The following PDE4B variants were observed in gnomAD, a reference collection of about 807,000 sequenced individuals.
PDE4B encodes the protein 3',5'-cyclic-AMP phosphodiesterase 4B.
PDE4B carries 20 observed loss-of-function variants against 82.2 expected under a neutral mutation model. That is an observed-to-expected ratio of 0.24 (90% CI 0.17 to 0.35). The LOEUF is 0.35. PDE4B is among the 10% of genes least tolerant of loss of function. The pLI is 1.00. For missense variants in PDE4B, 655 were observed against 907.2 expected (o/e 0.72, Z 3.57); for synonymous variants, 320 against 318.9 (o/e 1.00, Z -0.04).
intron 3 of PDE4B, among the ~76,000 whole-genome samples, chr1:66,138,355 C>T (rs1051275073): frequency 7.2e-5 from 11 of 152,106 alleles, no homozygotes; most frequent in South Asian, 2.1e-4. Flanking sequence ...CCCGTCTCTA[C>T]TAAAAATACA....
intron 7 of PDE4B, among the ~76,000 whole-genome samples, chr1:66,324,426 A>G (rs1659608830): frequency 6.6e-6 from 1 of 152,142 alleles, no homozygotes; most frequent in African/African-American, 2.4e-5. Context: ...ATTTTCTCAC[A>G]TTCATAATGG....
chr1:66,219,148 A>G (rs1017106613), intron 3 of PDE4B, among the ~76,000 whole-genome samples: 2 of 152,144 alleles, frequency 1.3e-5, no homozygotes, highest in African/African-American at 2.4e-5. Flanking sequence ...AGGCTCAATA[A>G]AGATAAGTAA....
chr1:65,972,664 A>G (rs1650205090), intron 3 of PDE4B, among the ~76,000 whole-genome samples: 1 of 152,196 alleles, frequency 6.6e-6, no homozygotes, highest in African/African-American at 2.4e-5. Context: ...TAGACTAGAA[A>G]TGGAGGAAAA....
intron 3 of PDE4B, among the ~76,000 whole-genome samples, chr1:66,108,413 A>G (rs1301857250): frequency 2.0e-5 from 3 of 152,036 alleles, no homozygotes; most frequent in Non-Finnish European, 4.4e-5. Flanking sequence ...ATGATCCAAA[A>G]AGCACAGGAA....
Position 66,363,556 on chromosome 1 carries a change from T to A in PDE4B, c.1269T>A (p.Ser423=). 1 of 1,612,144 alleles carries A rather than the reference T, an allele frequency of 6.2e-7. No homozygotes were observed. The highest frequency in any genetic ancestry group is 8.5e-7 in the Non-Finnish European group (1 of 1,179,290). The change falls in exon 12 of 17, where the codon TCT becomes TCA. Residue 423 remains serine, a synonymous_variant. Coordinates refer to ENST00000341517, the MANE Select transcript of PDE4B (RefSeq NM_002600.4). The part of the protein sequence containing the change: ...DVAQSTHVLL[S]TPALDAVFTD... Reference sequence around the variant, plus strand: ...CCCAGTCGACCCATGTTCTCCTTTCTACACCAGCATTAGACGTGAGTAATT... The same window carrying A: ...CCCAGTCGACCCATGTTCTCCTTTCAACACCAGCATTAGACGTGAGTAATT...
rs200346037 is a variant in PDE4B, at chr1:66,039,711, TCA to T, written c.281+120877_281+120878del. On this transcript the variant is annotated intron_variant, in intron 3 of 16. Coordinates refer to ENST00000341517, the MANE Select transcript of PDE4B (RefSeq NM_002600.4). ...AGAAATGTCATACAGTCACTGAGCC[TCA>T]GTTTCTGCATCTGAAAATGGTAAAT... Among the ~76,000 whole-genome samples, 1,003 of 152,204 alleles carry T rather than the reference TCA, an allele frequency of 6.6e-3. 15 individuals carry two copies. The highest frequency in any genetic ancestry group is 0.022 in the African/African-American group (931 of 41,562).
rs148949071 is a variant in PDE4B, at chr1:66,159,696, G to T, written c.282-87764G>T. On this transcript the variant is annotated intron_variant, in intron 3 of 16. Coordinates refer to ENST00000341517, the MANE Select transcript of PDE4B (RefSeq NM_002600.4). ...GTGCCTCAAATCCTCGCATACTGGG[G>T]TAGTGTCTTTTATTCCTGTAGAAAT... 6.1e-4 allele frequency among the ~76,000 whole-genome samples: 93 copies of T among 152,256 alleles called. 1 individual carries two copies. In the East Asian group the frequency reaches 0.013, roughly 21 times the overall value.
chr1:65,856,768 A>G (rs969420077), intron 1 of PDE4B, among the ~76,000 whole-genome samples: 2 of 152,182 alleles, frequency 1.3e-5, no homozygotes, highest in Non-Finnish European at 2.9e-5. Flanking sequence ...TGTCTTCCGC[A>G]TGGTTGAACT....
chr1:66,326,249 C>G (rs555025838), intron 7 of PDE4B, among the ~76,000 whole-genome samples: 13 of 152,284 alleles, frequency 8.5e-5, no homozygotes, highest in African/African-American at 2.9e-4. Context: ...ACCAGAAAGA[C>G]AGCAAAGTGC....
At chr1:66,091,825 G>C (rs776266202) in intron 3 of PDE4B, among the ~76,000 whole-genome samples, 2 of 152,032 alleles carry the variant, frequency 1.3e-5, no homozygotes, top group African/African-American at 4.8e-5. Flanking sequence ...TTCCATGCCA[G>C]CATGACCAAC....
At chr1:65,949,089 G>A (rs75237235) in intron 3 of PDE4B, among the ~76,000 whole-genome samples, 7,207 of 152,006 alleles carry the variant, frequency 0.047, 519 homozygotes, top group East Asian at 0.36. Flanking sequence ...TCTGTCCACC[G>A]CTCTTCTATT....
intron 7 of PDE4B, among the ~76,000 whole-genome samples, chr1:66,269,934 G>A (rs1368531039): frequency 1.3e-5 from 2 of 152,082 alleles, no homozygotes; most frequent in Non-Finnish European, 2.9e-5. Context: ...ACATAAGGTG[G>A]GGTGCTCTCT....
At chr1:66,362,137 G>C (rs1240266010) in intron 10 of PDE4B, among the ~76,000 whole-genome samples, 1 of 152,166 alleles carries the variant, frequency 6.6e-6, no homozygotes, top group Non-Finnish European at 1.5e-5. Flanking sequence ...TTTATGGACA[G>C]TTCATTATGA....
At chr1:66,282,088 G>T (rs1656340866) in intron 7 of PDE4B, among the ~76,000 whole-genome samples, 1 of 152,178 alleles carries the variant, frequency 6.6e-6, no homozygotes, top group Non-Finnish European at 1.5e-5. Context: ...CCTTGAGATG[G>T]TGTTTACATC....
intron 3 of PDE4B, among the ~76,000 whole-genome samples, chr1:66,226,142 T>G (rs1348083740): frequency 6.6e-6 from 1 of 152,252 alleles, no homozygotes; most frequent in East Asian, 1.9e-4. Flanking sequence ...AACTTAATTT[T>G]TTAAAGCTGA....
At chr1:66,333,720 C>T (rs1315894726) in intron 8 of PDE4B, among the ~76,000 whole-genome samples, 2 of 152,130 alleles carry the variant, frequency 1.3e-5, no homozygotes, top group Non-Finnish European at 2.9e-5. Flanking sequence ...TTGCTGGCTG[C>T]GGCTCAGAGG....
intron 3 of PDE4B, among the ~76,000 whole-genome samples, chr1:66,012,982 G>A (rs1652570714): frequency 1.3e-5 from 2 of 152,050 alleles, no homozygotes; most frequent in African/African-American, 2.4e-5. Context: ...AGAAACTGAG[G>A]CATAAGGCAA....
chr1:66,360,051 C>T (rs1662626945), intron 9 of PDE4B, among the ~76,000 whole-genome samples: 1 of 152,066 alleles, frequency 6.6e-6, no homozygotes, highest in African/African-American at 2.4e-5. Context: ...ATCCAAGTCA[C>T]TTGGGAATCT....
intron 6 of PDE4B, among the ~76,000 whole-genome samples, chr1:66,258,906 A>G (rs1446864309): frequency 6.6e-6 from 1 of 152,060 alleles, no homozygotes; most frequent in Non-Finnish European, 1.5e-5. Context: ...GACTCTGTAT[A>G]CTCTGATCAA....
Sources: gnomAD v4.1 joint callset for allele counts (sites outside exome capture counted in the v4.1 genomes callset) on GRCh38, gnomAD v4.1.1 for gene constraint, MANE v1.5 for transcripts, NCBI Gene and HGNC (gene_info 2026-07-23, HGNC 2026-07-21) for gene names.